ADCY2: variants seen among roughly 807,000 people sequenced by gnomAD.
ADCY2 encodes the protein adenylate cyclase type 2.
In ADCY2, 31 loss-of-function variants were observed where a neutral mutation model predicts 125.2. The ratio of observed to expected loss-of-function variants is 0.25; its 90% CI spans 0.19 to 0.33. The LOEUF is 0.33. ADCY2 is among the 10% of genes least tolerant of loss of function. The pLI, the probability that ADCY2 is intolerant of heterozygous loss-of-function variation, is 1.00. For synonymous variants in ADCY2, 512 were observed against 548.4 expected (o/e 0.93, Z 0.93); for missense variants, 904 against 1,418.2 (o/e 0.64, Z 5.82).
At chr5:7,461,979 A>T (rs1439944791) in intron 2 of ADCY2, among the ~76,000 whole-genome samples, 2 of 152,212 alleles carry the variant, frequency 1.3e-5, no homozygotes, top group African/African-American at 4.8e-5. Context: ...AAGGAATGCC[A>T]TGGAGGGCAA....
intron 4 of ADCY2, among the ~76,000 whole-genome samples, chr5:7,687,670 T>G (rs531757655): frequency 1.3e-5 from 2 of 152,252 alleles, no homozygotes; most frequent in African/African-American, 2.4e-5. Context: ...CAGCTACCTC[T>G]TCATTAGCGG....
chr5:7,526,233 C>G (rs892184087), intron 3 of ADCY2, among the ~76,000 whole-genome samples: 2 of 152,182 alleles, frequency 1.3e-5, no homozygotes, highest in African/African-American at 4.8e-5. Flanking sequence ...ACTGCTGGTG[C>G]AGATGCTTCC....
intron 19 of ADCY2, among the ~76,000 whole-genome samples, chr5:7,785,926 C>A (rs1247754167): frequency 6.6e-6 from 1 of 152,174 alleles, no homozygotes; most frequent in Non-Finnish European, 1.5e-5. Context: ...AGTCCAATGG[C>A]TGACAGTTGA....
At chr5:7,493,124 G>T (rs1363553646) in intron 2 of ADCY2, among the ~76,000 whole-genome samples, 1 of 152,162 alleles carries the variant, frequency 6.6e-6, no homozygotes. Context: ...GAAGGTCAAG[G>T]AGTTAAAAAA....
At chr5:7,425,087 T>G in intron 2 of ADCY2, among the ~76,000 whole-genome samples, 1 of 152,110 alleles carries the variant, frequency 6.6e-6, no homozygotes, top group East Asian at 1.9e-4. Flanking sequence ...CCAGTGCTGC[T>G]CACTGTCTCG....
At chr5:7,820,530 A>G (rs1310828994) in intron 23 of ADCY2, 35 bp from the exon 24 acceptor site, 40 of 1,611,872 alleles carry the variant, frequency 2.5e-5, no homozygotes, top group Non-Finnish European at 3.1e-5. Flanking sequence ...TGGTTATAAG[A>G]TGAATCTTGC....
At position 7,653,944 on chromosome 5, in the gene ADCY2, T is replaced by G. The variant is rs1739192520; in HGVS notation, c.720+27628T>G. 4 of 396,050 alleles carry G rather than the reference T, an allele frequency of 1.0e-5. No homozygotes were observed. In the East Asian group the frequency reaches 2.9e-4, roughly 29 times the overall value. The allele number at this position is 396,050 out of a possible 1,614,324, so 24.5% of individuals were successfully genotyped here. A position where few individuals can be genotyped will look rare whatever the true frequency, so the allele number is the denominator to read the frequency against. On this transcript the variant is annotated intron_variant, in intron 4 of 24. Transcript: ENST00000338316. ...CAGATTAAGAGTTCAGTTCTAGACTTCATTGTGAGGAGTTTGGTAGAAATC... is the reference window on the plus strand; with the variant it reads ...CAGATTAAGAGTTCAGTTCTAGACTGCATTGTGAGGAGTTTGGTAGAAATC...
intron 2 of ADCY2, among the ~76,000 whole-genome samples, chr5:7,495,820 G>T (rs1213786657): frequency 6.6e-6 from 1 of 152,118 alleles, no homozygotes; most frequent in Non-Finnish European, 1.5e-5. Context: ...AAATAGATTT[G>T]GAGGCACTTT....
chr5:7,692,568 T>C (rs1740737553), intron 5 of ADCY2, among the ~76,000 whole-genome samples: 1 of 152,240 alleles, frequency 6.6e-6, no homozygotes, highest in Admixed American at 6.5e-5. Context: ...CATTTACTTA[T>C]CTAAGTGTAT....
chr5:7,668,835 G>A (rs1219183906), intron 4 of ADCY2, among the ~76,000 whole-genome samples: 1 of 152,184 alleles, frequency 6.6e-6, no homozygotes, highest in Admixed American at 6.5e-5. Context: ...GAAGTGTGAT[G>A]AGGATGTGAT....
intron 4 of ADCY2, among the ~76,000 whole-genome samples, chr5:7,665,869 C>T (rs1283323623): frequency 2.0e-5 from 2 of 99,400 alleles, no homozygotes; most frequent in East Asian, 3.3e-4. Context: ...GACAGAATCT[C>T]GCTCTGTAGC....
In ADCY2 at chr5:7,462,431, A is replaced by G. The variant is rs76836881; in HGVS notation, c.408+47661A>G. 2.6e-5 allele frequency among the ~76,000 whole-genome samples: 4 copies of G among 152,228 alleles called. No individual in the cohort carries two copies. In the East Asian group the frequency reaches 7.7e-4, roughly 29 times the overall value. On this transcript the variant is annotated intron_variant, in intron 2 of 24. Transcript: ENST00000338316. ...TTCTTGATTAAATGGCATTCCCAAT[A>G]CTGCTATCTTCTTGACATTGACTAA...
chr5:7,743,561 A>G (rs1471534168), intron 14 of ADCY2, 107 bp from the exon 15 acceptor site: 1 of 919,468 alleles, frequency 1.1e-6, no homozygotes, highest in Non-Finnish European at 1.7e-6. Context: ...TGAGGATTGC[A>G]GTCTGCATTT....
At chr5:7,616,696 A>G (rs1176435293) in intron 3 of ADCY2, among the ~76,000 whole-genome samples, 2 of 152,176 alleles carry the variant, frequency 1.3e-5, no homozygotes, top group Non-Finnish European at 2.9e-5. Flanking sequence ...TTCTCTGGTG[A>G]TGTGTAAATA....
At chr5:7,498,155 C>G (rs549763889) in intron 2 of ADCY2, among the ~76,000 whole-genome samples, 1 of 148,832 alleles carries the variant, frequency 6.7e-6, no homozygotes, top group Non-Finnish European at 1.5e-5. Context: ...GTTATAATTT[C>G]TGAAAATATA....
intron 1 of ADCY2, among the ~76,000 whole-genome samples, chr5:7,410,828 G>A (rs1222986438): frequency 6.6e-6 from 1 of 152,170 alleles, no homozygotes; most frequent in South Asian, 2.1e-4. Context: ...CTTATTTTAA[G>A]CTAGTCTGTC....
chr5:7,748,729 G>A (rs1742713449), intron 15 of ADCY2, among the ~76,000 whole-genome samples: 1 of 152,104 alleles, frequency 6.6e-6, no homozygotes, highest in African/African-American at 2.4e-5. Context: ...CCCAATGAGT[G>A]GTTCTGATTC....
At chr5:7,766,346 G>T (rs1310786876) in intron 16 of ADCY2, among the ~76,000 whole-genome samples, 2 of 152,218 alleles carry the variant, frequency 1.3e-5, no homozygotes, top group Non-Finnish European at 2.9e-5. Flanking sequence ...TTTGATGGTA[G>T]AGAGTTGAAT....
intron 18 of ADCY2, among the ~76,000 whole-genome samples, chr5:7,778,205 A>T (rs531344691): frequency 6.6e-6 from 1 of 152,352 alleles, no homozygotes; most frequent in South Asian, 2.1e-4. Context: ...TATCCTTCCC[A>T]TGACAAAAAC....
Sources: allele counts gnomAD v4.1 joint callset (sites outside exome capture counted in the v4.1 genomes callset), GRCh38; gene constraint gnomAD v4.1.1; transcripts MANE v1.5; gene names NCBI Gene and HGNC (gene_info 2026-07-23, HGNC 2026-07-21).